GOLGA5: variants seen among roughly 807,000 people sequenced by gnomAD.
The protein encoded by GOLGA5 is golgin A5, also known as golgin subfamily A member 5.
GOLGA5 carries 50 observed loss-of-function variants against 93.5 expected under a neutral mutation model. The ratio of observed to expected loss-of-function variants is 0.53; its 90% confidence interval spans 0.43 to 0.68. The LOEUF (loss-of-function observed/expected upper bound fraction) is 0.68. Ranked by LOEUF, GOLGA5 falls within the 30% of genes least tolerant of loss-of-function variation. The pLI, the probability that GOLGA5 is intolerant of heterozygous loss-of-function variation, is 0.00. For missense variants in GOLGA5, 760 were observed against 856.4 expected, an observed-to-expected ratio of 0.89 and a Z score of 1.40; for synonymous variants, 312 against 304.5, an observed-to-expected ratio of 1.02 and a Z score of -0.26.
chr14:92,807,473 C>A lies in GOLGA5; in HGVS notation c.772+510C>A, dbSNP rs148637203. Among the ~76,000 whole-genome samples the A allele has an allele frequency of 1.2e-3, 185 of 152,280 alleles. 2 individuals carry two copies. The East Asian group carries it at 0.033, about 27-fold the overall frequency. ...CAGTCATCCTCCCACCAACCCAAAACATAAGAGTATTCGCTTCTTTGGTCA... is the reference window on the plus strand; with the variant it reads ...CAGTCATCCTCCCACCAACCCAAAAAATAAGAGTATTCGCTTCTTTGGTCA... On this transcript the variant is annotated intron_variant, in intron 3 of 12. Transcript: ENST00000163416.
chr14:92,833,480 C>T (rs1595605230), intron 10 of GOLGA5, 133 bp downstream of exon 10: 1 of 651,936 alleles, frequency 1.5e-6, no homozygotes, highest in South Asian at 1.8e-5. Context: ...ACCTGGGCCA[C>T]GTACTGTTTA....
chr14:92,817,086 G>A (rs748784583), intron 7 of GOLGA5, among the ~76,000 whole-genome samples: 5 of 151,810 alleles, frequency 3.3e-5, no homozygotes, highest in Non-Finnish European at 5.9e-5. Context: ...GATTACAGAC[G>A]TGCGCCACCA....
At chr14:92,835,143 G>C (rs1885613628) in intron 10 of GOLGA5, among the ~76,000 whole-genome samples, 1 of 152,150 alleles carries the variant, frequency 6.6e-6, no homozygotes, top group African/African-American at 2.4e-5. Context: ...TAGATATCTG[G>C]ATGGAAGCGA....
At chr14:92,811,513 AATG>A in intron 5 of GOLGA5, 35 bp from the exon 6 acceptor site, 2 of 1,267,082 alleles carry the variant, frequency 1.6e-6, no homozygotes, top group Non-Finnish European at 2.3e-6. Context: ...TTCAAAGCTA[AATG>A]ATATCATTAA....
intron 8 of GOLGA5, among the ~76,000 whole-genome samples, chr14:92,820,327 C>T (rs1885290827): frequency 6.6e-6 from 1 of 152,236 alleles, no homozygotes; most frequent in Admixed American, 6.5e-5. Context: ...TTATGCTTCT[C>T]TCCACCCAAA....
At chr14:92,800,120 A>G (rs1044907308) in intron 2 of GOLGA5, among the ~76,000 whole-genome samples, 5 of 152,222 alleles carry the variant, frequency 3.3e-5, no homozygotes, top group Non-Finnish European at 7.3e-5. Flanking sequence ...CTTCTCAGCT[A>G]TCTTTCAATT....
chr14:92,804,298 T>C (rs945567754), intron 2 of GOLGA5, among the ~76,000 whole-genome samples: 30 of 152,104 alleles, frequency 2.0e-4, no homozygotes, highest in Admixed American at 2.0e-3. Context: ...ACTCCTGGAC[T>C]CAGGCAGTCC....
At chr14:92,837,294 A>G (rs1026485170) in intron 11 of GOLGA5, 92 bp from the exon 12 acceptor site, 2 of 666,120 alleles carry the variant, frequency 3.0e-6, no homozygotes, top group Non-Finnish European at 5.3e-6. Flanking sequence ...AATGAGTTAA[A>G]TTTATCAGCA....
intron 7 of GOLGA5, among the ~76,000 whole-genome samples, chr14:92,817,193 G>A (rs1479096750): frequency 6.6e-6 from 1 of 151,956 alleles, no homozygotes; most frequent in Non-Finnish European, 1.5e-5. Context: ...CGCCCACCTC[G>A]GCCTCCCAAA....
At position 92,810,375 on chromosome 14, in the gene GOLGA5, C is replaced by T; in HGVS notation, c.1114C>T (p.Gln372Ter). The change falls in exon 5 of 13, where the codon CAG becomes TAG. Residue 372 changes from glutamine (Q) to a stop codon, truncating the protein, a stop_gained and splice_region_variant. Transcript: ENST00000163416. LOFTEE classifies it high-confidence loss of function. ...AGAGCAGGAGAGCTATAAACAGATG[C>T]AGGTTAGAATGAGAGACAGCAGATT... ...KREQESYKQM[Q>*]SEFAARLNKV... 4 of 1,569,772 alleles carry T rather than the reference C, an allele frequency of 2.5e-6. No homozygotes were observed. Among genetic ancestry groups the T allele is most frequent in the South Asian group, 1.2e-5 (1 of 82,682 alleles).
At chr14:92,801,307 C>T (rs954308150) in intron 2 of GOLGA5, among the ~76,000 whole-genome samples, 1 of 152,220 alleles carries the variant, frequency 6.6e-6, no homozygotes, top group African/African-American at 2.4e-5. Context: ...TCCACATTTT[C>T]ACCAACATTT....
intron 2 of GOLGA5, among the ~76,000 whole-genome samples, chr14:92,800,729 C>G (rs891379102): frequency 2.0e-5 from 3 of 152,060 alleles, no homozygotes; most frequent in Non-Finnish European, 4.4e-5. Context: ...TGGTTCTTAG[C>G]CAATAAAAGT....
chr14:92,814,288 G>A (rs951820161), intron 6 of GOLGA5, among the ~76,000 whole-genome samples: 1 of 152,166 alleles, frequency 6.6e-6, no homozygotes, highest in African/African-American at 2.4e-5. Flanking sequence ...TGAGTGGTCA[G>A]AGATTGGAGA....
chr14:92,836,522 T>A (rs1307869990), intron 11 of GOLGA5, among the ~76,000 whole-genome samples: 1 of 152,168 alleles, frequency 6.6e-6, no homozygotes, highest in Admixed American at 6.5e-5. Context: ...AAAGGGGTAT[T>A]GCTTCTGCAT....
At chr14:92,803,509 TA>T (rs937241113) in intron 2 of GOLGA5, among the ~76,000 whole-genome samples, 3 of 152,252 alleles carry the variant, frequency 2.0e-5, no homozygotes, top group Non-Finnish European at 4.4e-5. Context: ...AACTCTGTGC[TA>T]AAACCATCAG....
Position 92,835,083 on chromosome 14 carries a change from G to A in GOLGA5, c.1946-476G>A, listed in dbSNP as rs975457219. ...ATGGCAGCTGAGGCAGGTTGACAGC[G>A]AGGACAAGAACTCTGAATTGTAGTG... On this transcript the variant is annotated intron_variant, in intron 10 of 12. Transcript: ENST00000163416. 6.6e-5 allele frequency among the ~76,000 whole-genome samples: 10 copies of A among 152,192 alleles called. No homozygotes were observed. The South Asian group carries it at 8.3e-4, about 13-fold the overall frequency.
intron 10 of GOLGA5, among the ~76,000 whole-genome samples, chr14:92,835,261 T>A (rs958498317): frequency 3.3e-5 from 5 of 152,228 alleles, no homozygotes; most frequent in Non-Finnish European, 7.3e-5. Flanking sequence ...CCTCCTCACA[T>A]AGGAACAAAG....
intron 3 of GOLGA5, among the ~76,000 whole-genome samples, chr14:92,807,531 A>G (rs1455478188): frequency 2.0e-5 from 3 of 152,192 alleles, no homozygotes; most frequent in Admixed American, 6.5e-5. Context: ...AAGAACTGAG[A>G]GGAACAAACT....
chr14:92,830,473 T>A (rs541110000), intron 9 of GOLGA5, among the ~76,000 whole-genome samples: 23 of 152,212 alleles, frequency 1.5e-4, no homozygotes, highest in African/African-American at 5.5e-4. Context: ...CCAAGATAAT[T>A]CTTCTAGTGT....
Sources: allele counts gnomAD v4.1 joint callset (sites outside exome capture counted in the v4.1 genomes callset), GRCh38; gene constraint gnomAD v4.1.1; transcripts MANE v1.5; gene names NCBI Gene and HGNC (gene_info 2026-07-23, HGNC 2026-07-21).